The following GNA15 variants were observed in gnomAD, a reference collection of about 807,000 sequenced individuals.
The protein encoded by GNA15 is G protein subunit alpha 15.
In GNA15, 23 loss-of-function variants were observed where a neutral mutation model predicts 40.1. The ratio of observed to expected loss-of-function variants is 0.57; its 90% CI spans 0.41 to 0.81. GNA15 has a LOEUF of 0.81. GNA15 is among the 40% of genes least tolerant of loss of function. GNA15 has a pLI of 0.00. For synonymous variants in GNA15, 226 were observed against 210.4 expected, an observed-to-expected ratio of 1.07 and a Z score of -0.64; for missense variants, 522 against 515.8, an observed-to-expected ratio of 1.01 and a Z score of -0.12.
intron 1 of GNA15, among the ~76,000 whole-genome samples, chr19:3,138,663 C>T (rs1362872032): frequency 1.3e-5 from 2 of 152,120 alleles, no homozygotes; most frequent in Admixed American, 6.5e-5. Context: ...CGGAGTCTTG[C>T]TCTGTCACCC....
At chr19:3,148,955 ATAC>A (rs1373293492) in intron 2 of GNA15, 180 bp downstream of exon 2, 3 of 605,210 alleles carry the variant, frequency 5.0e-6, no homozygotes, top group Non-Finnish European at 8.7e-6. Flanking sequence ...ATGTGCATAC[ATAC>A]AAGTGCACAC....
At chr19:3,161,025 C>G (rs575570072) in intron 6 of GNA15, among the ~76,000 whole-genome samples, 2 of 150,526 alleles carry the variant, frequency 1.3e-5, no homozygotes, top group Non-Finnish European at 2.9e-5. Flanking sequence ...TCACTGCAGC[C>G]TCAACCTCCT....
chr19:3,156,634 A>G (rs1237689346), intron 5 of GNA15, among the ~76,000 whole-genome samples: 3 of 151,960 alleles, frequency 2.0e-5, no homozygotes, highest in Non-Finnish European at 4.4e-5. Flanking sequence ...GTGGGATTAC[A>G]GGCACCCGCC....
intron 6 of GNA15, among the ~76,000 whole-genome samples, chr19:3,159,899 A>G (rs1187817548): frequency 6.6e-6 from 1 of 152,208 alleles, no homozygotes; most frequent in African/African-American, 2.4e-5. Flanking sequence ...ACCACTTAGT[A>G]TATTTTACAA....
chr19:3,156,494 AG>A (rs1455868004), intron 5 of GNA15, among the ~76,000 whole-genome samples: 1 of 151,774 alleles, frequency 6.6e-6, no homozygotes, highest in African/African-American at 2.4e-5. Flanking sequence ...ACAGGCACAC[AG>A]GCACACACAT....
Position 3,136,869 on chromosome 19 carries a change from C to T in GNA15, c.145+274C>T, listed in dbSNP as rs1914470181. ...ATATACAATAGCAGACGTGGCTCTA[C>T]CGGGCCCCTGCCGGGCAGGCCCAGC... is the stretch of plus-strand genomic sequence containing the variant. On this transcript the variant is annotated intron_variant, in intron 1 of 6. Coordinates refer to ENST00000262958, the MANE Select transcript of GNA15 (RefSeq NM_002068.4). The surrounding 1 kb of genome is among the most constrained non-coding windows in gnomAD (Gnocchi z 4.9). Among the ~76,000 whole-genome samples the T allele has an allele frequency of 6.6e-6, 1 of 152,244 alleles. No individual in the cohort carries two copies. The highest frequency in any genetic ancestry group is 1.5e-5 in the Non-Finnish European group (1 of 68,042).
In GNA15 at chr19:3,151,617, C is replaced by G; in HGVS notation, c.486-90C>G. On this transcript the variant is annotated intron_variant, in intron 3 of 6. Coordinates refer to ENST00000262958, the MANE Select transcript of GNA15 (RefSeq NM_002068.4). The surrounding 1 kb of genome is among the most constrained non-coding windows in gnomAD (Gnocchi z 5.0). ...CTCCACCCAGGGAGCTCTCCTCCCC[C>G]AGCAGGGTCCTTGCTGGGCCTTTCG... is the stretch of plus-strand genomic sequence containing the variant. 6 of 1,430,672 alleles carry G rather than the reference C, an allele frequency of 4.2e-6. No individual in the cohort carries two copies. Among genetic ancestry groups the G allele is most frequent in the Non-Finnish European group, 4.6e-6 (5 of 1,081,362 alleles). 88.6% of individuals were successfully genotyped at this position (1,430,672 alleles called of 1,614,324 possible). A position where few individuals can be genotyped will look rare whatever the true frequency, so the allele number is the denominator to read the frequency against.
intron 2 of GNA15, chr19:3,149,016 C>A: frequency 3.9e-6 from 2 of 510,002 alleles, no homozygotes; most frequent in Non-Finnish European, 6.9e-6. Context: ...TGCACACGCA[C>A]AGACATGCAC....
At position 3,140,261 on chromosome 19, in the gene GNA15, C is replaced by A. The variant is rs187455493; in HGVS notation, c.145+3666C>A. On this transcript the variant is annotated intron_variant, in intron 1 of 6. Coordinates refer to ENST00000262958, the MANE Select transcript of GNA15 (RefSeq NM_002068.4). ...TTGCCTGTGTTATCAAATTTATTGGCATAACATTTATAACGTTCCCTTGTT... is the reference window on the plus strand; with the variant it reads ...TTGCCTGTGTTATCAAATTTATTGGAATAACATTTATAACGTTCCCTTGTT... Among the ~76,000 whole-genome samples, 12 of 152,190 alleles carry A rather than the reference C, an allele frequency of 7.9e-5. No individual in the cohort carries two copies. The East Asian group carries it at 2.1e-3, about 27-fold the overall frequency.
chr19:3,161,947 C>T (rs1326050380), intron 6 of GNA15, among the ~76,000 whole-genome samples: 7 of 151,700 alleles, frequency 4.6e-5, no homozygotes, highest in Non-Finnish European at 1.0e-4. Context: ...GCAGGAGAAT[C>T]GCTTGAACCC....
Position 3,155,963 on chromosome 19 carries a change from G to A in GNA15, c.744+11G>A, listed in dbSNP as rs370888793. 99 of 1,612,116 alleles carry A rather than the reference G, an allele frequency of 6.1e-5. No homozygotes were observed. Among genetic ancestry groups the A allele is most frequent in the Admixed American group, 2.8e-4 (17 of 59,906 alleles). Reference sequence around the variant, plus strand: ...GAGAACAACCAGGAGGTGCGCCACCGCCTCCCTCGCCCTGCCCACTTGTTG... The same window carrying A: ...GAGAACAACCAGGAGGTGCGCCACCACCTCCCTCGCCCTGCCCACTTGTTG... On this transcript the variant is annotated intron_variant, in intron 5 of 6. Coordinates refer to ENST00000262958, the MANE Select transcript of GNA15 (RefSeq NM_002068.4). This position sits in a 1 kb window ranked among gnomAD's most constrained non-coding sequence, Gnocchi z 5.6.
chr19:3,157,965 C>A (rs1208724770), intron 6 of GNA15, 84 bp downstream of exon 6: 2 of 1,110,248 alleles, frequency 1.8e-6, no homozygotes, highest in East Asian at 2.4e-5. Flanking sequence ...CTACTTCAGC[C>A]TGGAGTCACC....
chr19:3,158,208 G>C (rs762838212), intron 6 of GNA15, among the ~76,000 whole-genome samples: 1 of 152,126 alleles, frequency 6.6e-6, no homozygotes, highest in Admixed American at 6.5e-5. Context: ...GGAGTGCAGT[G>C]GCGTGATCTC....
At chr19:3,149,047 G>A in intron 2 of GNA15, 2 of 366,466 alleles carry the variant, frequency 5.5e-6, no homozygotes, top group South Asian at 7.9e-5. Context: ...ACACGTACAT[G>A]CTCACAAAGA....
At chr19:3,150,541 G>A (rs1002500671) in intron 3 of GNA15, among the ~76,000 whole-genome samples, 2 of 151,520 alleles carry the variant, frequency 1.3e-5, no homozygotes, top group African/African-American at 4.9e-5. Context: ...ACTCTGTTCT[G>A]GCGGTGATCT....
rs1277972553 is a variant in GNA15, at chr19:3,163,161, C to A, written c.*142C>A. The stretch of plus-strand genomic sequence containing the variant: ...CGGGGGACGGACGGCCCGCTGCTGG[C>A]CGCTCTCTTCTCTGCCTCTCACCAG... On this transcript the variant is annotated 3_prime_UTR_variant, in exon 7 of 7. Coordinates refer to ENST00000262958, the MANE Select transcript of GNA15 (RefSeq NM_002068.4). 6.3e-6 allele frequency: 4 copies of A among 631,540 alleles called. No individual in the cohort carries two copies. The East Asian group carries it at 8.2e-5, about 13-fold the overall frequency. 39.1% of individuals were successfully genotyped at this position (631,540 alleles called of 1,614,324 possible). A position where few individuals can be genotyped will look rare whatever the true frequency, so the allele number is the denominator to read the frequency against.
intron 5 of GNA15, among the ~76,000 whole-genome samples, chr19:3,156,503 C>G (rs1030377626): frequency 6.6e-6 from 1 of 151,992 alleles, no homozygotes; most frequent in African/African-American, 2.4e-5. Flanking sequence ...CAGGCACACA[C>G]ATGCGTGCAC....
chr19:3,163,055 C>A lies in GNA15; in HGVS notation c.*36C>A. The A allele has an allele frequency of 7.0e-7, 1 of 1,428,054 alleles. No homozygotes were observed. The highest frequency in any genetic ancestry group is 9.9e-7 in the Non-Finnish European group (1 of 1,012,672). 88.5% of individuals were successfully genotyped at this position (1,428,054 alleles called of 1,614,324 possible). On this transcript the variant is annotated 3_prime_UTR_variant, in exon 7 of 7. Coordinates refer to ENST00000262958, the MANE Select transcript of GNA15 (RefSeq NM_002068.4). Reference sequence around the variant, plus strand: ...ACCTGGGGCAGGCGGCACCGGCGGGCGGGTGGGAGGTGGGAGTGGCTGCAG... The same window carrying A: ...ACCTGGGGCAGGCGGCACCGGCGGGAGGGTGGGAGGTGGGAGTGGCTGCAG...
chr19:3,136,908 C>T lies in GNA15; in HGVS notation c.145+313C>T, dbSNP rs1914471019. 6.6e-6 allele frequency among the ~76,000 whole-genome samples: 1 copy of T among 152,218 alleles called. No individual in the cohort carries two copies. The highest frequency in any genetic ancestry group is 2.4e-5 in the African/African-American group (1 of 41,460). On this transcript the variant is annotated intron_variant, in intron 1 of 6. Transcript: ENST00000262958. The surrounding 1 kb of genome is among the most constrained non-coding windows in gnomAD (Gnocchi z 4.9). The stretch of plus-strand genomic sequence containing the variant: ...GGCAGGCCCAGCACGCCCTACCTGT[C>T]TGTGTCATGGCGAGGGAATGATGAG...
Sources: gnomAD v4.1 joint callset for allele counts (sites outside exome capture counted in the v4.1 genomes callset) on GRCh38, gnomAD v4.1.1 for gene constraint, Gnocchi (gnomAD v3.1) non-coding constraint, MANE v1.5 for transcripts, NCBI Gene and HGNC (gene_info 2026-07-23, HGNC 2026-07-21) for gene names.